Variants in SASS6 observed in about 807,000 individuals in gnomAD.
SASS6 encodes SAS-6 centriolar assembly protein.
Under a neutral mutation model 94.9 loss-of-function variants are expected in SASS6, and 59 were observed. The observed-to-expected ratio is 0.62, with a 90% CI of 0.50 to 0.77. The LOEUF (loss-of-function observed/expected upper bound fraction) is 0.77, where lower values mean the gene tolerates loss of function less well. SASS6 is among the 30% of genes least tolerant of loss of function. The pLI, the probability that SASS6 is intolerant of heterozygous loss-of-function variation, is 0.00. For missense variants in SASS6, 698 were observed against 734.1 expected, an observed-to-expected ratio of 0.95 and a Z score of 0.57; for synonymous variants, 264 against 270.0, an observed-to-expected ratio of 0.98 and a Z score of 0.22.
Position 100,122,489 on chromosome 1 carries a change from A to G in SASS6, c.207-5T>C, listed in dbSNP as rs1373985375. On this transcript the variant is annotated splice_polypyrimidine_tract_variant and splice_region_variant and intron_variant, in intron 3 of 16. Transcript: ENST00000287482. ...AGACCTTGCTGGAATTTTAAACTAT[A>G]CAGAAGAAAGGAAAAGAAATTTTTT... The G allele has an allele frequency of 1.5e-6, 2 of 1,306,334 alleles. No homozygotes were observed. Among genetic ancestry groups the G allele is most frequent in the Admixed American group, 4.2e-5 (2 of 47,330 alleles). The allele number at this position is 1,306,334 out of a possible 1,614,324, so 80.9% of individuals were successfully genotyped here.
intron 5 of SASS6, among the ~76,000 whole-genome samples, chr1:100,120,919 G>A (rs377700704): frequency 1.4e-4 from 21 of 150,810 alleles, no homozygotes; most frequent in African/African-American, 2.7e-4. Context: ...GCGTAGTGGC[G>A]GGCGCCTGTA....
chr1:100,106,522 T>C (rs1164902425), intron 12 of SASS6, among the ~76,000 whole-genome samples: 5 of 152,142 alleles, frequency 3.3e-5, no homozygotes, highest in African/African-American at 4.8e-5. Flanking sequence ...ATGTCTACTT[T>C]TATGAATTCG....
chr1:100,128,814 T>G (rs116412487), intron 1 of SASS6, among the ~76,000 whole-genome samples: 1 of 151,612 alleles, frequency 6.6e-6, no homozygotes, highest in African/African-American at 2.4e-5. Flanking sequence ...ACATCAGGCT[T>G]GCTTTAGCAC....
At position 100,085,442 on chromosome 1, in the gene SASS6, TGAG is replaced by T. The variant is rs747465417; in HGVS notation, c.1868-11_1868-9del. On this transcript the variant is annotated splice_polypyrimidine_tract_variant and intron_variant, in intron 16 of 16. Coordinates refer to ENST00000287482, the MANE Select transcript of SASS6 (RefSeq NM_194292.3). ...TGCCATCTCTCTGATGGTCTGCAAA[TGAG>T]GACAAAAAAAGGTTACTGGTATTCA... is the stretch of plus-strand genomic sequence containing the variant. The T allele has an allele frequency of 2.5e-6, 4 of 1,599,064 alleles. No homozygotes were observed. The highest frequency in any genetic ancestry group is 1.7e-6 in the Non-Finnish European group (2 of 1,166,812).
intron 7 of SASS6, 89 bp from the exon 8 acceptor site, chr1:100,110,572 A>G (rs1404138297): frequency 3.1e-6 from 2 of 641,638 alleles, no homozygotes; most frequent in African/African-American, 3.8e-5. Context: ...AAAAATTGTA[A>G]TTTCTTATTT....
chr1:100,106,951 G>GT lies in SASS6; in HGVS notation c.1368dup (p.Leu457ThrfsTer2). ...TTTAGAAGTTGTTTGCTTTCTTCAA[G>GT]TTTTTTAACTGTAGCTTCTAATTGT... On this transcript the variant is annotated frameshift_variant, in exon 12 of 17. Transcript: ENST00000287482. LOFTEE classifies it high-confidence loss of function. 1 of 1,429,986 alleles carries GT rather than the reference G, an allele frequency of 7.0e-7. No individual in the cohort carries two copies. The highest frequency in any genetic ancestry group is 9.8e-7 in the Non-Finnish European group (1 of 1,016,538). The allele number at this position is 1,429,986 out of a possible 1,614,324, so 88.6% of individuals were successfully genotyped here. A position where few individuals can be genotyped will look rare whatever the true frequency, so the allele number is the denominator to read the frequency against.
At chr1:100,105,526 CA>C (rs936468482) in intron 13 of SASS6, among the ~76,000 whole-genome samples, 12 of 142,272 alleles carry the variant, frequency 8.4e-5, no homozygotes, top group African/African-American at 2.3e-4. Context: ...GACTCCATCT[CA>C]AAAAAAAAAC....
chr1:100,127,401 T>G (rs1419907355), intron 1 of SASS6, among the ~76,000 whole-genome samples: 2 of 152,224 alleles, frequency 1.3e-5, no homozygotes, highest in Non-Finnish European at 1.5e-5. Context: ...AAGGCTAGAT[T>G]CAATTGTTTA....
Position 100,105,813 on chromosome 1 carries a change from G to T in SASS6, c.1499C>A (p.Ser500Tyr). The change falls in exon 13 of 17, where the codon TCC becomes TAC. Residue 500 changes from serine (S) to tyrosine (Y), a missense_variant. Ser to Tyr is a moderately radical substitution (Grantham distance 144). Transcript: ENST00000287482. ...TCCACTTCTGATTGTGTTGCTGCTG[G>T]AATGTGCAGGCGGAGTAGTAGAAGG... ...LGPSTTPPAH[S>Y]SSNTIRSGIS... 6.2e-7 allele frequency: 1 copy of T among 1,613,210 alleles called. No homozygotes were observed. The highest frequency in any genetic ancestry group is 1.1e-5 in the South Asian group (1 of 90,956).
At chr1:100,110,227 C>T (rs1653215501) in intron 8 of SASS6, 65 bp downstream of exon 8, 1 of 983,682 alleles carries the variant, frequency 1.0e-6, no homozygotes, top group Non-Finnish European at 1.5e-6. Context: ...CAAGTAACCA[C>T]ATTAAAATAA....
chr1:100,112,640 C>T (rs570640210), intron 7 of SASS6, among the ~76,000 whole-genome samples: 166 of 152,264 alleles, frequency 1.1e-3, no homozygotes, highest in African/African-American at 3.7e-3. Context: ...AGCCATTATT[C>T]CCTATAACAT....
intron 2 of SASS6, among the ~76,000 whole-genome samples, chr1:100,125,454 G>T (rs1419771586): frequency 6.6e-6 from 1 of 151,606 alleles, no homozygotes; most frequent in South Asian, 2.1e-4. Flanking sequence ...GCCGAGGTGG[G>T]CAGATCACAA....
At chr1:100,132,216 C>T (rs116488808) in intron 1 of SASS6, among the ~76,000 whole-genome samples, 1 of 152,298 alleles carries the variant, frequency 6.6e-6, no homozygotes, top group African/African-American at 2.4e-5. Context: ...CTGCTTTTCT[C>T]ATTTTTAGTC....
At chr1:100,096,484 T>G (rs554455423) in intron 14 of SASS6, among the ~76,000 whole-genome samples, 22 of 152,032 alleles carry the variant, frequency 1.4e-4, no homozygotes, top group African/African-American at 4.6e-4. Flanking sequence ...TTGGACAGAG[T>G]TCTTATATAC....
At chr1:100,117,279 G>T (rs565419114) in intron 7 of SASS6, among the ~76,000 whole-genome samples, 2 of 140,550 alleles carry the variant, frequency 1.4e-5, no homozygotes, top group African/African-American at 5.3e-5. Flanking sequence ...CAACAAGAGC[G>T]AAATTCTGTC....
intron 7 of SASS6, among the ~76,000 whole-genome samples, chr1:100,114,331 C>T (rs1009799952): frequency 2.0e-5 from 3 of 151,836 alleles, no homozygotes; most frequent in Admixed American, 6.6e-5. Flanking sequence ...TTGCAATAAG[C>T]GAACTATGAT....
intron 1 of SASS6, among the ~76,000 whole-genome samples, chr1:100,127,947 T>C (rs190504558): frequency 6.6e-6 from 1 of 152,362 alleles, no homozygotes; most frequent in African/African-American, 2.4e-5. Flanking sequence ...TCTGAAGTTT[T>C]CTCTAGTATA....
intron 14 of SASS6, among the ~76,000 whole-genome samples, chr1:100,089,352 C>T (rs1651523446): frequency 6.6e-6 from 1 of 152,024 alleles, no homozygotes; most frequent in Non-Finnish European, 1.5e-5. Context: ...TGAATAATGA[C>T]TAGAATTTCC....
In SASS6 at chr1:100,125,665, A is replaced by G. The variant is rs556992093; in HGVS notation, c.126+217T>C. ...CAGCCTGGTGACAGAGCAAGACTCC[A>G]TCTCAAAAAAAAAAAAAAAAAAAAG... On this transcript the variant is annotated intron_variant, in intron 2 of 16. Transcript: ENST00000287482. 7.8e-4 allele frequency among the ~76,000 whole-genome samples: 62 copies of G among 79,882 alleles called. 1 individual carries two copies. Among genetic ancestry groups the G allele is most frequent in the East Asian group, 3.5e-3 (10 of 2,882 alleles). The allele number at this position is 79,882 out of a possible 152,430, so 52.4% of individuals were successfully genotyped here.
Sources: allele counts gnomAD v4.1 joint callset (sites outside exome capture counted in the v4.1 genomes callset), GRCh38; gene constraint gnomAD v4.1.1; transcripts MANE v1.5; gene names NCBI Gene and HGNC (gene_info 2026-07-23, HGNC 2026-07-21).